The following FREM2 variants were observed in gnomAD, a reference collection of about 807,000 sequenced individuals.
The protein encoded by FREM2 is FRAS1-related extracellular matrix protein 2.
A neutral mutation model predicts 219.9 loss-of-function variants in FREM2; 119 were observed. The ratio of observed to expected loss-of-function variants is 0.54; its 90% CI spans 0.47 to 0.63. The LOEUF (loss-of-function observed/expected upper bound fraction) is 0.63, where lower values mean the gene tolerates loss of function less well. Among genes scored for constraint, FREM2 ranks in the 30% least tolerant of loss-of-function variants. FREM2 has a pLI of 0.00. For missense variants in FREM2, 4,030 were observed against 3,993.6 expected (o/e 1.01, Z -0.25); for synonymous variants, 1,562 against 1,522.8 (o/e 1.03, Z -0.60).
chr13:38,810,574 AC>A (rs559354529), intron 6 of FREM2, among the ~76,000 whole-genome samples: 25 of 152,068 alleles, frequency 1.6e-4, no homozygotes, highest in Non-Finnish European at 3.5e-4. Context: ...ATTGAAAAAA[AC>A]ATATGGTTTT....
intron 6 of FREM2, among the ~76,000 whole-genome samples, chr13:38,807,487 G>C (rs1875293533): frequency 6.6e-6 from 1 of 150,996 alleles, no homozygotes; most frequent in African/African-American, 2.4e-5. Context: ...GTCTATGGCA[G>C]CTATAGCCTT....
chr13:38,838,582 C>T (rs1876814144), intron 6 of FREM2, among the ~76,000 whole-genome samples: 1 of 152,226 alleles, frequency 6.6e-6, no homozygotes, highest in South Asian at 2.1e-4. Context: ...TTCTCCCCAT[C>T]ACTTTCAGGT....
chr13:38,829,645 CTT>C (rs201951171), intron 6 of FREM2, among the ~76,000 whole-genome samples: 6 of 140,448 alleles, frequency 4.3e-5, no homozygotes, highest in Admixed American at 1.4e-4. Flanking sequence ...TTATTATATC[CTT>C]TTTTTTTTTT....
chr13:38,735,592 T>TA (rs113734480), intron 2 of FREM2, among the ~76,000 whole-genome samples: 16 of 152,018 alleles, frequency 1.1e-4, no homozygotes, highest in African/African-American at 3.1e-4. Flanking sequence ...AGCAAGCGCT[T>TA]AAAAAAAATG....
chr13:38,874,667 T>C, intron 18 of FREM2, 81 bp downstream of exon 18: 2 of 1,094,958 alleles, frequency 1.8e-6, no homozygotes, highest in East Asian at 4.7e-5. Context: ...TCAGCGTGCT[T>C]CTCTGTTACC....
At chr13:38,757,671 T>C (rs1187313121) in intron 2 of FREM2, among the ~76,000 whole-genome samples, 1 of 152,004 alleles carries the variant, frequency 6.6e-6, no homozygotes, top group Non-Finnish European at 1.5e-5. Context: ...CTTGGCTCAC[T>C]GCAACCTCCA....
intron 12 of FREM2, 126 bp downstream of exon 12, chr13:38,856,382 C>A: frequency 1.2e-6 from 1 of 829,284 alleles, no homozygotes; most frequent in Non-Finnish European, 2.0e-6. Flanking sequence ...AAGAGATATG[C>A]ATAATCTCTT....
Position 38,689,720 on chromosome 13 carries a change from A to G in FREM2, c.2376A>G (p.Glu792=). 6.2e-7 allele frequency: 1 copy of G among 1,613,794 alleles called. No homozygotes were observed. Among genetic ancestry groups the G allele is most frequent in the Non-Finnish European group, 8.5e-7 (1 of 1,179,840 alleles). Residue 792 remains glutamate, a synonymous_variant, in exon 1 of 24, where the codon GAA becomes GAG. Coordinates refer to ENST00000280481, the MANE Select transcript of FREM2 (RefSeq NM_207361.6). The part of the protein sequence containing the change: ...HKIAYRPPGQ[E]LGVATRVAQF... The stretch of plus-strand genomic sequence containing the variant: ...TTGCTTACAGACCCCCGGGTCAAGA[A>G]CTGGGCGTGGCTACTCGAGTGGCCC...
At chr13:38,783,401 T>C (rs1439803863) in intron 5 of FREM2, among the ~76,000 whole-genome samples, 1 of 149,796 alleles carries the variant, frequency 6.7e-6, no homozygotes, top group Non-Finnish European at 1.5e-5. Flanking sequence ...CTTACTGCAA[T>C]ACTCAAGGCT....
Position 38,814,218 on chromosome 13 carries a change from A to G in FREM2, c.6019+29410A>G, listed in dbSNP as rs190715337. ...GGTGCTTTATATAGTTCATTTGGTG[A>G]GGTCTTGTTTTCCTGGATGGTATTG... On this transcript the variant is annotated intron_variant, in intron 6 of 23. Coordinates refer to ENST00000280481, the MANE Select transcript of FREM2 (RefSeq NM_207361.6). Among the ~76,000 whole-genome samples the G allele has an allele frequency of 2.6e-4, 39 of 152,088 alleles. 1 individual carries two copies. The South Asian group carries it at 4.4e-3, about 17-fold the overall frequency.
At chr13:38,721,497 T>C (rs921741480) in intron 2 of FREM2, among the ~76,000 whole-genome samples, 1 of 152,090 alleles carries the variant, frequency 6.6e-6, no homozygotes, top group African/African-American at 2.4e-5. Flanking sequence ...GTGCATTTGT[T>C]TTACAACAGT....
chr13:38,713,412 A>G (rs1372849845), intron 2 of FREM2, among the ~76,000 whole-genome samples: 2 of 152,212 alleles, frequency 1.3e-5, no homozygotes, highest in Non-Finnish European at 2.9e-5. Context: ...ATATAACCTA[A>G]TGAATCTATA....
At position 38,880,842 on chromosome 13, in the gene FREM2, G is replaced by A; in HGVS notation, c.*55G>A. The A allele has an allele frequency of 6.3e-7, 1 of 1,592,670 alleles. No individual in the cohort carries two copies. Among genetic ancestry groups the A allele is most frequent in the South Asian group, 1.1e-5 (1 of 90,128 alleles). On this transcript the variant is annotated 3_prime_UTR_variant, in exon 24 of 24. Transcript: ENST00000280481. Reference sequence around the variant, plus strand: ...TAAGTGCCTCGGAAAAGATCACAATGGAACCTTAAATACTTCTGGTAAACC... The same window carrying A: ...TAAGTGCCTCGGAAAAGATCACAATAGAACCTTAAATACTTCTGGTAAACC...
intron 2 of FREM2, among the ~76,000 whole-genome samples, chr13:38,735,298 G>A (rs897050570): frequency 1.3e-5 from 2 of 152,066 alleles, no homozygotes; most frequent in African/African-American, 2.4e-5. Context: ...TCCTCATATT[G>A]CAAATTATAA....
At chr13:38,747,172 T>TC (rs1365996422) in intron 2 of FREM2, among the ~76,000 whole-genome samples, 3 of 152,062 alleles carry the variant, frequency 2.0e-5, no homozygotes, top group Non-Finnish European at 4.4e-5. Context: ...ATATAGATCT[T>TC]CCCCACAGTC....
chr13:38,792,276 G>C (rs570163170), intron 6 of FREM2, among the ~76,000 whole-genome samples: 148 of 152,324 alleles, frequency 9.7e-4, no homozygotes, highest in African/African-American at 3.5e-3. Context: ...TTGAACCTGG[G>C]AGGCGGAGGT....
At chr13:38,764,068 C>G (rs1290782928) in intron 2 of FREM2, among the ~76,000 whole-genome samples, 1 of 152,104 alleles carries the variant, frequency 6.6e-6, no homozygotes, top group Non-Finnish European at 1.5e-5. Context: ...TACCCATTAC[C>G]TACTTCCCCT....
At chr13:38,713,141 G>A (rs1870848300) in intron 2 of FREM2, among the ~76,000 whole-genome samples, 1 of 152,174 alleles carries the variant, frequency 6.6e-6, no homozygotes, top group Non-Finnish European at 1.5e-5. Context: ...TCTAAGCAGT[G>A]TTCTCTCTCC....
chr13:38,822,827 ACT>A (rs1479006434), intron 6 of FREM2, among the ~76,000 whole-genome samples: 2 of 152,056 alleles, frequency 1.3e-5, no homozygotes, highest in Admixed American at 6.6e-5. Flanking sequence ...AAATTTTATG[ACT>A]CTGTTCAACA....
Sources: allele counts gnomAD v4.1 joint callset (sites outside exome capture counted in the v4.1 genomes callset), GRCh38; gene constraint gnomAD v4.1.1; transcripts MANE v1.5; gene names NCBI Gene and HGNC (gene_info 2026-07-23, HGNC 2026-07-21).